Variants in DPYD observed in about 807,000 individuals in gnomAD.
DPYD encodes the protein dihydropyrimidine dehydrogenase [NADP(+)].
A neutral mutation model predicts 116.2 loss-of-function variants in DPYD; 109 were observed. The ratio of observed to expected loss-of-function variants is 0.94; its 90% CI spans 0.80 to 1.10. The LOEUF is 1.10. Among genes scored for constraint, DPYD ranks in the 50% least tolerant of loss-of-function variants. DPYD has a pLI of 0.00. For missense variants in DPYD, 1,302 were observed against 1,254.5 expected, an observed-to-expected ratio of 1.04 and a Z score of -0.57; for synonymous variants, 440 against 432.0, an observed-to-expected ratio of 1.02 and a Z score of -0.23.
intron 8 of DPYD, among the ~76,000 whole-genome samples, chr1:97,649,610 A>G (rs1157092976): frequency 6.6e-6 from 1 of 152,084 alleles, no homozygotes; most frequent in Admixed American, 6.6e-5. Flanking sequence ...TTTTCTTCAC[A>G]TTTTAGTGAA....
chr1:97,546,801 T>C, intron 12 of DPYD: 5 of 1,613,002 alleles, frequency 3.1e-6, no homozygotes, highest in Non-Finnish European at 4.2e-6. Flanking sequence ...TGGGTTTGGA[T>C]CAGATTAAAC....
chr1:97,087,894 T>TA (rs1307925194), intron 21 of DPYD, among the ~76,000 whole-genome samples: 2 of 152,216 alleles, frequency 1.3e-5, no homozygotes, highest in African/African-American at 4.8e-5. Context: ...CCACCTGCTC[T>TA]AAGTAGTGAG....
At chr1:97,216,859 C>A (rs548998831) in intron 19 of DPYD, among the ~76,000 whole-genome samples, 4 of 152,064 alleles carry the variant, frequency 2.6e-5, no homozygotes, top group Non-Finnish European at 4.4e-5. Context: ...AATATTTATA[C>A]ACATCTTCAC....
At chr1:97,706,043 AT>A (rs1661930843) in intron 5 of DPYD, among the ~76,000 whole-genome samples, 1 of 151,900 alleles carries the variant, frequency 6.6e-6, no homozygotes, top group South Asian at 2.1e-4. Flanking sequence ...AAAATTCACT[AT>A]ATTTCTCTAA....
intron 20 of DPYD, among the ~76,000 whole-genome samples, chr1:97,130,712 CT>C (rs1653216383): frequency 7.8e-6 from 1 of 128,098 alleles, no homozygotes; most frequent in Non-Finnish European, 1.7e-5. Context: ...CCCTCTCTCC[CT>C]CTCTCTTTCT....
chr1:97,816,003 C>G (rs948791775), intron 3 of DPYD, among the ~76,000 whole-genome samples: 10 of 152,210 alleles, frequency 6.6e-5, no homozygotes, highest in Non-Finnish European at 1.2e-4. Flanking sequence ...CAACAGCTGT[C>G]ACCAAATAAC....
At chr1:97,777,968 G>C (rs375330950) in intron 3 of DPYD, among the ~76,000 whole-genome samples, 173 of 151,840 alleles carry the variant, frequency 1.1e-3, no homozygotes, top group African/African-American at 4.1e-3. Flanking sequence ...GACCAGCCTG[G>C]CCAACATGGT....
intron 20 of DPYD, among the ~76,000 whole-genome samples, chr1:97,153,973 C>CAAAAAAAAAAAAAAAAAAA (rs60741755): frequency 7.9e-6 from 1 of 126,224 alleles, no homozygotes. Context: ...TGGCCATGAT[C>CAAAAAAAAAAAAAAAAAAA]AAAAAAAAAA....
chr1:97,859,518 G>GT (rs898341574), intron 2 of DPYD, among the ~76,000 whole-genome samples: 1 of 152,124 alleles, frequency 6.6e-6, no homozygotes, highest in Non-Finnish European at 1.5e-5. Context: ...TAAACTGCAT[G>GT]TTTTTTACAA....
intron 16 of DPYD, among the ~76,000 whole-genome samples, chr1:97,326,164 C>A (rs1668695996): frequency 6.6e-6 from 1 of 151,742 alleles, no homozygotes; most frequent in African/African-American, 2.4e-5. Context: ...AAGATAAGGA[C>A]AAATCAGAGT....
intron 14 of DPYD, among the ~76,000 whole-genome samples, chr1:97,422,925 G>T (rs574461382): frequency 2.6e-5 from 4 of 152,068 alleles, no homozygotes; most frequent in Admixed American, 2.6e-4. Context: ...ATGTAGAAGT[G>T]ACATGAAAAT....
At chr1:97,171,724 T>A (rs1656734957) in intron 20 of DPYD, among the ~76,000 whole-genome samples, 2 of 152,168 alleles carry the variant, frequency 1.3e-5, no homozygotes, top group Non-Finnish European at 2.9e-5. Flanking sequence ...GGTTTTTAAT[T>A]TGTATTGTCA....
chr1:97,470,526 G>T (rs1183847919), intron 13 of DPYD, among the ~76,000 whole-genome samples: 1 of 152,150 alleles, frequency 6.6e-6, no homozygotes, highest in Non-Finnish European at 1.5e-5. Context: ...TAATACTGAT[G>T]TATACTTTAT....
intron 18 of DPYD, among the ~76,000 whole-genome samples, chr1:97,280,448 T>G (rs1421070141): frequency 6.6e-6 from 1 of 152,156 alleles, no homozygotes; most frequent in African/African-American, 2.4e-5. Context: ...TGTGCTCCCA[T>G]GTTTATTGCA....
intron 14 of DPYD, among the ~76,000 whole-genome samples, chr1:97,441,760 AC>A (rs1393555898): frequency 6.6e-6 from 1 of 152,016 alleles, no homozygotes; most frequent in Admixed American, 6.5e-5. Context: ...TGTGAATCCT[AC>A]CTTTTTTGGT....
chr1:97,381,126 CCTT>C (rs1331566573), intron 15 of DPYD, among the ~76,000 whole-genome samples: 1 of 151,982 alleles, frequency 6.6e-6, no homozygotes, highest in Non-Finnish European at 1.5e-5. Context: ...CCTTTTCCTC[CCTT>C]CTTTCTTTTT....
chr1:97,446,607 T>C (rs1676099851), intron 14 of DPYD, among the ~76,000 whole-genome samples: 1 of 152,356 alleles, frequency 6.6e-6, no homozygotes, highest in Middle Eastern at 3.4e-3. Context: ...TTTCCTTTTC[T>C]ATCTTCACTA....
intron 14 of DPYD, among the ~76,000 whole-genome samples, chr1:97,443,137 C>A (rs760412178): frequency 2.6e-5 from 4 of 152,128 alleles, no homozygotes; most frequent in Non-Finnish European, 4.4e-5. Flanking sequence ...TCCTAGACTA[C>A]AACTCTAGAA....
At chr1:97,851,431 T>C (rs1670563330) in intron 2 of DPYD, among the ~76,000 whole-genome samples, 1 of 151,918 alleles carries the variant, frequency 6.6e-6, no homozygotes, top group Non-Finnish European at 1.5e-5. Context: ...ATCTCCTAGA[T>C]GCACATAGTG....
Sources: gnomAD v4.1 joint callset for allele counts (sites outside exome capture counted in the v4.1 genomes callset) on GRCh38, gnomAD v4.1.1 for gene constraint, MANE v1.5 for transcripts, NCBI Gene and HGNC (gene_info 2026-07-23, HGNC 2026-07-21) for gene names.